Variants in GEMIN5 observed in about 807,000 individuals in gnomAD.
The protein encoded by GEMIN5 is gem nuclear organelle associated protein 5, also known as gem-associated protein 5.
A neutral mutation model predicts 176.9 loss-of-function variants in GEMIN5; 124 were observed. That is an observed-to-expected ratio of 0.70 (90% CI 0.61 to 0.81). The LOEUF (loss-of-function observed/expected upper bound fraction) is 0.81. Ranked by LOEUF, GEMIN5 falls within the 40% of genes least tolerant of loss-of-function variation. The probability of loss-of-function intolerance (pLI) is 0.00; values close to 1 mark genes in which losing one functional copy is unlikely to be tolerated. For missense variants in GEMIN5, 1,843 were observed against 1,814.6 expected, an observed-to-expected ratio of 1.02 and a Z score of -0.28; for synonymous variants, 673 against 665.2, an observed-to-expected ratio of 1.01 and a Z score of -0.18.
intron 24 of GEMIN5, among the ~76,000 whole-genome samples, chr5:154,893,761 T>C (rs542497962): frequency 6.6e-6 from 1 of 152,336 alleles, no homozygotes; most frequent in South Asian, 2.1e-4. Context: ...TTTGTTTTTT[T>C]GAGATGGAGT....
chr5:154,901,096 C>T (rs1017745717), intron 21 of GEMIN5, among the ~76,000 whole-genome samples: 3 of 152,158 alleles, frequency 2.0e-5, no homozygotes, highest in Admixed American at 2.0e-4. Context: ...GAGGCTGAGG[C>T]ACGAGGATCG....
chr5:154,895,037 C>A (rs1763319346), intron 24 of GEMIN5, among the ~76,000 whole-genome samples: 1 of 151,356 alleles, frequency 6.6e-6, no homozygotes, highest in Non-Finnish European at 1.5e-5. Context: ...AGATATCATG[C>A]CACTGTACTC....
At chr5:154,892,618 G>T (rs751830374) in intron 24 of GEMIN5, 69 bp from the exon 25 acceptor site, 178 of 1,457,664 alleles carry the variant, frequency 1.2e-4, no homozygotes, top group South Asian at 1.9e-4. Context: ...CCACCAAACT[G>T]TTCCTGTGAA....
At chr5:154,923,315 G>A (rs781313730) in intron 9 of GEMIN5, among the ~76,000 whole-genome samples, 1 of 152,060 alleles carries the variant, frequency 6.6e-6, no homozygotes, top group African/African-American at 2.4e-5. Flanking sequence ...AGAAGGCGAA[G>A]GTTTTGGTGA....
chr5:154,911,112 C>T (rs1025674126), intron 15 of GEMIN5, among the ~76,000 whole-genome samples: 2 of 152,220 alleles, frequency 1.3e-5, no homozygotes, highest in Non-Finnish European at 2.9e-5. Context: ...GCCTTCCTTT[C>T]TGGCATAAGA....
chr5:154,899,221 C>T lies in GEMIN5; in HGVS notation c.3104G>A (p.Arg1035Lys). 6.2e-7 allele frequency: 1 copy of T among 1,612,758 alleles called. No individual in the cohort carries two copies. Among genetic ancestry groups the T allele is most frequent in the East Asian group, 2.2e-5 (1 of 44,826 alleles). Residue 1035 changes from arginine (R) to lysine (K), a missense_variant, in exon 22 of 28, where the codon AGA (arginine) becomes AAA (lysine). By Grantham distance (26) the Arg-to-Lys change is conservative. Transcript: ENST00000285873. ...GGCAGCTACAGCATAGTGGCCATCTCTTTCTAGGACGGTTCCCCAGCTGAG... is the reference window on the plus strand; with the variant it reads ...GGCAGCTACAGCATAGTGGCCATCTTTTTCTAGGACGGTTCCCCAGCTGAG... The part of the protein sequence containing the change: ...LYLSWGTVLE[R>K]DGHYAVAAKC...
chr5:154,894,773 G>A (rs1234362518), intron 24 of GEMIN5, among the ~76,000 whole-genome samples: 1 of 152,186 alleles, frequency 6.6e-6, no homozygotes, highest in African/African-American at 2.4e-5. Context: ...CGGGCATGGT[G>A]GCAGGTGCCT....
chr5:154,932,018 A>C, intron 4 of GEMIN5, 81 bp downstream of exon 4: 1 of 1,104,220 alleles, frequency 9.1e-7, no homozygotes, highest in Non-Finnish European at 1.3e-6. Flanking sequence ...AAAATAAATA[A>C]TAAATAAAAA....
At chr5:154,931,382 G>C (rs1321754431) in intron 5 of GEMIN5, 76 bp downstream of exon 5, 8 of 1,435,186 alleles carry the variant, frequency 5.6e-6, no homozygotes, top group Non-Finnish European at 6.6e-6. Context: ...CACACCCTCA[G>C]GACAATAAGA....
Position 154,905,484 on chromosome 5 carries a change from AT to A in GEMIN5, c.2396-9del. 7.2e-7 allele frequency: 1 copy of A among 1,389,772 alleles called. No homozygotes were observed. Among genetic ancestry groups the A allele is most frequent in the East Asian group, 2.3e-5 (1 of 43,524 alleles). The allele number at this position is 1,389,772 out of a possible 1,614,324, so 86.1% of individuals were successfully genotyped here. ...TAACTGGTTCTCTAGAAACTACATCATGGGGGAAAAAGGAAAAAAAAAGTTA... is the reference window on the plus strand; with the variant it reads ...TAACTGGTTCTCTAGAAACTACATCAGGGGGAAAAAGGAAAAAAAAAGTTA... On this transcript the variant is annotated splice_polypyrimidine_tract_variant and intron_variant, in intron 16 of 27. Transcript: ENST00000285873.
chr5:154,922,697 GTTTTT>G (rs941015595), intron 9 of GEMIN5, among the ~76,000 whole-genome samples: 1 of 135,340 alleles, frequency 7.4e-6, no homozygotes, highest in African/African-American at 2.7e-5. Flanking sequence ...CTTTAAAACA[GTTTTT>G]TTTTTTTTTT....
intron 14 of GEMIN5, among the ~76,000 whole-genome samples, chr5:154,912,214 C>T (rs948925846): frequency 4.6e-5 from 7 of 152,158 alleles, no homozygotes; most frequent in African/African-American, 7.2e-5. Context: ...TCTGGTATCA[C>T]GAAGAAAATA....
rs547520614 is a variant in GEMIN5 at position 154,920,167 on chromosome 5, A to G, written c.1463-64T>C. 1.1e-4 allele frequency: 142 copies of G among 1,341,372 alleles called. 1 individual carries two copies. In the South Asian group the frequency reaches 1.7e-3, roughly 16 times the overall value. 83.1% of individuals were successfully genotyped at this position (1,341,372 alleles called of 1,614,324 possible). Reference sequence around the variant, plus strand: ...TTCATCAGCTTAACTATTTGTTGCTATAGTATGACCATACCATACTACATA... The same window carrying G: ...TTCATCAGCTTAACTATTTGTTGCTGTAGTATGACCATACCATACTACATA... On this transcript the variant is annotated intron_variant, in intron 10 of 27. Transcript: ENST00000285873.
chr5:154,892,719 A>C (rs1476088216), intron 24 of GEMIN5, 170 bp from the exon 25 acceptor site: 8 of 609,562 alleles, frequency 1.3e-5, no homozygotes, highest in Non-Finnish European at 1.7e-5. Flanking sequence ...GGAAACTCTC[A>C]TGTCTAGTTG....
At position 154,887,718 on chromosome 5, in the gene GEMIN5, T is replaced by C. The variant is rs369608147; in HGVS notation, c.*492A>G. On this transcript the variant is annotated 3_prime_UTR_variant, in exon 28 of 28. Coordinates refer to ENST00000285873, the MANE Select transcript of GEMIN5 (RefSeq NM_015465.5). ...ATTCAAACTTCAGTCTATGAAAGAGTAGAGAGAGAAGGGTCTCCTCTTTCA... is the reference window on the plus strand; with the variant it reads ...ATTCAAACTTCAGTCTATGAAAGAGCAGAGAGAGAAGGGTCTCCTCTTTCA... 88 of 153,574 alleles carry C rather than the reference T, an allele frequency of 5.7e-4. No homozygotes were observed. The South Asian group carries it at 0.013, about 22-fold the overall frequency. The allele number at this position is 153,574 out of a possible 1,614,324, so 9.5% of individuals were successfully genotyped here.
intron 24 of GEMIN5, among the ~76,000 whole-genome samples, chr5:154,894,410 T>C (rs1346048451): frequency 2.6e-5 from 4 of 152,228 alleles, no homozygotes; most frequent in Non-Finnish European, 4.4e-5. Context: ...TCTGATTTCA[T>C]TGTTTTAGTG....
intron 16 of GEMIN5, among the ~76,000 whole-genome samples, chr5:154,906,544 G>A (rs1763572236): frequency 6.6e-6 from 1 of 152,084 alleles, no homozygotes; most frequent in Non-Finnish European, 1.5e-5. Context: ...TCCATGTTTT[G>A]TATAGCCATT....
intron 13 of GEMIN5, 30 bp from the exon 14 acceptor site, chr5:154,913,068 G>GC: frequency 9.0e-6 from 14 of 1,563,924 alleles, no homozygotes; most frequent in Non-Finnish European, 1.1e-5. Flanking sequence ...CATCACTGCT[G>GC]CTACTACTAA....
chr5:154,912,011 T>C, intron 14 of GEMIN5, 113 bp from the exon 15 acceptor site: 1 of 931,832 alleles, frequency 1.1e-6, no homozygotes, highest in Non-Finnish European at 1.6e-6. Flanking sequence ...CTGCGGCCTC[T>C]TATTTCCTCA....
Sources: gnomAD v4.1 joint callset for allele counts (sites outside exome capture counted in the v4.1 genomes callset) on GRCh38, gnomAD v4.1.1 for gene constraint, MANE v1.5 for transcripts, NCBI Gene and HGNC (gene_info 2026-07-23, HGNC 2026-07-21) for gene names.